The following FNIP2 variants were observed in gnomAD, a reference collection of about 807,000 sequenced individuals.
The protein encoded by FNIP2 is folliculin interacting protein 2.
FNIP2 carries 32 observed loss-of-function variants against 108.7 expected under a neutral mutation model. The observed-to-expected ratio is 0.29, with a 90% confidence interval of 0.22 to 0.40. The LOEUF is 0.40. Ranked by LOEUF, FNIP2 falls within the 10% of genes least tolerant of loss-of-function variation. FNIP2 has a pLI of 1.00. For missense variants in FNIP2, 1,202 were observed against 1,381.6 expected (o/e 0.87, Z 2.06); for synonymous variants, 480 against 496.7 (o/e 0.97, Z 0.45).
intron 3 of FNIP2, among the ~76,000 whole-genome samples, chr4:158,830,375 G>C (rs1778410162): frequency 6.9e-6 from 1 of 145,220 alleles, no homozygotes; most frequent in Admixed American, 7.2e-5. Flanking sequence ...CCATTCTCCT[G>C]CCTCAGCCTC....
At chr4:158,838,668 T>C (rs1392921745) in intron 7 of FNIP2, among the ~76,000 whole-genome samples, 1 of 152,238 alleles carries the variant, frequency 6.6e-6, no homozygotes, top group African/African-American at 2.4e-5. Context: ...CAGTTTACCC[T>C]ATTATTAACA....
intron 14 of FNIP2, among the ~76,000 whole-genome samples, chr4:158,889,213 C>A (rs1782166167): frequency 6.6e-6 from 1 of 152,238 alleles, no homozygotes; most frequent in Non-Finnish European, 1.5e-5. Flanking sequence ...AATACAAAGA[C>A]TTGTGCTGAT....
At chr4:158,835,560 G>A (rs997840309) in intron 7 of FNIP2, 84 bp downstream of exon 7, 10 of 1,224,972 alleles carry the variant, frequency 8.2e-6, no homozygotes, top group South Asian at 2.5e-5. Context: ...AAGACAGGTA[G>A]ATAACCCTCA....
In FNIP2 at chr4:158,851,328, A is replaced by G; in HGVS notation, c.735A>G (p.Leu245=). 1 of 1,613,964 alleles carries G rather than the reference A, an allele frequency of 6.2e-7. No individual in the cohort carries two copies. The highest frequency in any genetic ancestry group is 8.5e-7 in the Non-Finnish European group (1 of 1,179,864). Residue 245 remains leucine (L), a synonymous_variant, in exon 8 of 17, where the codon CTA becomes CTG. Transcript: ENST00000264433. Reference sequence around the variant, plus strand: ...TCCAAATTCTTCCTACAGCCTCACTAAGCAGTCTTTTGATCACACCTTTCC... The same window carrying G: ...TCCAAATTCTTCCTACAGCCTCACTGAGCAGTCTTTTGATCACACCTTTCC... ...RDSGIARSAS[L]SSLLITPFPS...
At position 158,837,857 on chromosome 4, in the gene FNIP2, G is replaced by A. The variant is rs558197246; in HGVS notation, c.727+2381G>A. 2.6e-5 allele frequency among the ~76,000 whole-genome samples: 4 copies of A among 152,278 alleles called. No homozygotes were observed. In the South Asian group the frequency reaches 6.2e-4, roughly 24 times the overall value. The stretch of plus-strand genomic sequence containing the variant: ...TCTGGTTCTCCTGTTGGGAGGAAGG[G>A]AGCACAGATGGTGGAGGGGGCTGCA... On this transcript the variant is annotated intron_variant, in intron 7 of 16. Coordinates refer to ENST00000264433, the MANE Select transcript of FNIP2 (RefSeq NM_020840.3).
chr4:158,802,514 A>G (rs544276686), intron 1 of FNIP2, among the ~76,000 whole-genome samples: 1 of 152,314 alleles, frequency 6.6e-6, no homozygotes, highest in Admixed American at 6.5e-5. Context: ...CCTCCAAGCT[A>G]CGTTTCTCAA....
chr4:158,833,345 A>G (rs998289513), intron 5 of FNIP2, among the ~76,000 whole-genome samples, 183 bp from the exon 6 acceptor site: 2 of 152,242 alleles, frequency 1.3e-5, no homozygotes, highest in Non-Finnish European at 2.9e-5. Flanking sequence ...TTTTCTTCCA[A>G]CAAATTCACC....
In FNIP2 at chr4:158,868,016, A is replaced by G. The variant is rs34012771; in HGVS notation, c.1466-86A>G. 3,181 of 1,511,788 alleles carry G rather than the reference A, an allele frequency of 2.1e-3. 18 individuals are homozygous for G. The Middle Eastern group carries it at 0.028, about 13-fold the overall frequency. 93.6% of individuals were successfully genotyped at this position (1,511,788 alleles called of 1,614,324 possible). On this transcript the variant is annotated intron_variant, in intron 12 of 16. Coordinates refer to ENST00000264433, the MANE Select transcript of FNIP2 (RefSeq NM_020840.3). The surrounding 1 kb of genome is among the most constrained non-coding windows in gnomAD (Gnocchi z 4.6). Reference sequence around the variant, plus strand: ...GGACTCCAGATTGGGAATATAAGTTATCTGTTTTGCTCTTGTAAAGACGGA... The same window carrying G: ...GGACTCCAGATTGGGAATATAAGTTGTCTGTTTTGCTCTTGTAAAGACGGA...
intron 14 of FNIP2, among the ~76,000 whole-genome samples, chr4:158,887,591 A>T (rs1782082613): frequency 6.6e-6 from 1 of 151,998 alleles, no homozygotes; most frequent in South Asian, 2.1e-4. Context: ...ACAAAAAATT[A>T]GCTGGGTGTG....
chr4:158,896,826 A>C, intron 16 of FNIP2, among the ~76,000 whole-genome samples: 1 of 145,496 alleles, frequency 6.9e-6, no homozygotes, highest in African/African-American at 2.5e-5. Context: ...CTCATACTTC[A>C]ATCCTGCCTT....
intron 1 of FNIP2, among the ~76,000 whole-genome samples, chr4:158,769,793 A>G (rs945808814): frequency 3.9e-5 from 6 of 152,232 alleles, no homozygotes; most frequent in Admixed American, 2.0e-4. Flanking sequence ...CTTTCTTGCC[A>G]TATATGACAA....
chr4:158,795,911 C>T (rs1265988656), intron 1 of FNIP2: 1 of 152,296 alleles, frequency 6.6e-6, no homozygotes, highest in African/African-American at 2.4e-5. Flanking sequence ...CACCCCCAGT[C>T]CATGGAAAAA....
chr4:158,882,580 A>G (rs1409457165), intron 14 of FNIP2, among the ~76,000 whole-genome samples: 2 of 152,280 alleles, frequency 1.3e-5, no homozygotes, highest in Non-Finnish European at 2.9e-5. Flanking sequence ...GAGAAAAGAT[A>G]GAGAAATCAG....
intron 14 of FNIP2, among the ~76,000 whole-genome samples, chr4:158,887,196 G>T (rs764869811): frequency 6.6e-6 from 1 of 152,066 alleles, no homozygotes; most frequent in Non-Finnish European, 1.5e-5. Flanking sequence ...TCAATCTTAG[G>T]TTCGTATTTT....
chr4:158,813,646 C>G (rs1474679697), intron 1 of FNIP2, among the ~76,000 whole-genome samples: 3 of 152,166 alleles, frequency 2.0e-5, no homozygotes, highest in Non-Finnish European at 4.4e-5. Context: ...ATTCCCTTGA[C>G]AGTGTCTTTC....
At position 158,858,156 on chromosome 4, in the gene FNIP2, A is replaced by G. The variant is rs115874201; in HGVS notation, c.858-901A>G. On this transcript the variant is annotated intron_variant, in intron 8 of 16. Coordinates refer to ENST00000264433, the MANE Select transcript of FNIP2 (RefSeq NM_020840.3). ...TTATGTTGTAATTTATAGTAAAGAA[A>G]ATGGAGGAAGCAGTTCCTTTCTATA... Among the ~76,000 whole-genome samples, 1,243 of 152,294 alleles carry G rather than the reference A, an allele frequency of 8.2e-3. 18 individuals are homozygous for G. The highest frequency in any genetic ancestry group is 0.028 in the African/African-American group (1,174 of 41,548).
At chr4:158,846,417 C>A (rs1445917279) in intron 7 of FNIP2, among the ~76,000 whole-genome samples, 1 of 151,900 alleles carries the variant, frequency 6.6e-6, no homozygotes, top group African/African-American at 2.4e-5. Context: ...TTTATTGTCC[C>A]CGTTTTACAG....
chr4:158,778,889 T>C (rs1042287242), intron 1 of FNIP2, among the ~76,000 whole-genome samples: 2 of 152,234 alleles, frequency 1.3e-5, no homozygotes, highest in Admixed American at 6.5e-5. Flanking sequence ...TGCCATAAGC[T>C]CAAGTATATT....
intron 1 of FNIP2, among the ~76,000 whole-genome samples, chr4:158,781,648 GGGAC>G (rs1345073436): frequency 6.6e-6 from 1 of 152,164 alleles, no homozygotes; most frequent in Non-Finnish European, 1.5e-5. Context: ...CTGAGTAGCT[GGGAC>G]TACAGGCGCA....
Sources: gnomAD v4.1 joint callset for allele counts (sites outside exome capture counted in the v4.1 genomes callset) on GRCh38, gnomAD v4.1.1 for gene constraint, Gnocchi (gnomAD v3.1) non-coding constraint, MANE v1.5 for transcripts, NCBI Gene and HGNC (gene_info 2026-07-23, HGNC 2026-07-21) for gene names.